The following ACOXL variants were observed in gnomAD, a reference collection of about 807,000 sequenced individuals.
ACOXL encodes the protein acyl-coenzyme A oxidase-like protein.
A neutral mutation model predicts 71.9 loss-of-function variants in ACOXL; 70 were observed. The ratio of observed to expected loss-of-function variants is 0.97; its 90% CI spans 0.80 to 1.19. The LOEUF is 1.19. Ranked by LOEUF, ACOXL falls within the 50% of genes most tolerant of loss-of-function variation. The pLI, the probability that ACOXL is intolerant of heterozygous loss-of-function variation, is 0.00. For missense variants in ACOXL, 703 were observed against 736.3 expected (o/e 0.95, Z 0.52); for synonymous variants, 253 against 281.6 (o/e 0.90, Z 1.02).
chr2:110,922,855 C>T (rs191189016), intron 11 of ACOXL, among the ~76,000 whole-genome samples: 4 of 152,250 alleles, frequency 2.6e-5, no homozygotes, highest in Admixed American at 6.5e-5. Context: ...TCATGAATGC[C>T]GCATTGAACA....
chr2:110,750,584 T>C (rs1678801028), intron 1 of ACOXL, among the ~76,000 whole-genome samples: 1 of 148,862 alleles, frequency 6.7e-6, no homozygotes, highest in African/African-American at 2.4e-5. Flanking sequence ...TATACATATA[T>C]ATACATTACA....
chr2:110,758,644 A>AT (rs1159051741), intron 1 of ACOXL, among the ~76,000 whole-genome samples: 1 of 152,060 alleles, frequency 6.6e-6, no homozygotes, highest in Non-Finnish European at 1.5e-5. Flanking sequence ...GGGTTCATTG[A>AT]TTTTTTGAAG....
chr2:110,825,689 G>A (rs1475113385), intron 9 of ACOXL, among the ~76,000 whole-genome samples: 1 of 152,098 alleles, frequency 6.6e-6, no homozygotes, highest in Non-Finnish European at 1.5e-5. Context: ...CTCCTGGTGA[G>A]CATTTATGCC....
chr2:110,754,024 A>G (rs1239562412), intron 1 of ACOXL, among the ~76,000 whole-genome samples: 1 of 142,322 alleles, frequency 7.0e-6, no homozygotes, highest in Non-Finnish European at 1.5e-5. Flanking sequence ...CCTCTTGCAC[A>G]TGCACACGTG....
chr2:110,906,488 A>G (rs1323422286), intron 10 of ACOXL, among the ~76,000 whole-genome samples: 1 of 144,178 alleles, frequency 6.9e-6, no homozygotes, highest in African/African-American at 2.6e-5. Flanking sequence ...CACTGAGCCG[A>G]GATTGCGCCA....
chr2:111,057,929 C>T (rs1378425702), intron 16 of ACOXL, among the ~76,000 whole-genome samples: 8 of 152,108 alleles, frequency 5.3e-5, no homozygotes, highest in Non-Finnish European at 8.8e-5. Flanking sequence ...GCCGCCCAGG[C>T]GTGGAGGGTG....
chr2:110,966,573 A>ACCC (rs770566415), intron 12 of ACOXL, among the ~76,000 whole-genome samples: 27 of 152,222 alleles, frequency 1.8e-4, no homozygotes, highest in South Asian at 6.2e-4. Flanking sequence ...TGCCCCCTAA[A>ACCC]CCCCTAAAGG....
intron 7 of ACOXL, among the ~76,000 whole-genome samples, chr2:110,799,450 G>C (rs935981070): frequency 1.3e-5 from 2 of 152,138 alleles, no homozygotes; most frequent in Non-Finnish European, 2.9e-5. Context: ...CTGGCCACCT[G>C]TCTGCTCTCT....
At chr2:111,033,940 G>T (rs886955504) in intron 15 of ACOXL, among the ~76,000 whole-genome samples, 1 of 152,232 alleles carries the variant, frequency 6.6e-6, no homozygotes, top group African/African-American at 2.4e-5. Context: ...TGAAAAGGAA[G>T]GGGGAAGTCA....
chr2:111,091,062 G>A (rs553318031), intron 16 of ACOXL, among the ~76,000 whole-genome samples: 13 of 152,258 alleles, frequency 8.5e-5, no homozygotes, highest in African/African-American at 3.1e-4. Flanking sequence ...CTCCCTGCTT[G>A]CCTCACTATG....
At chr2:110,811,484 AC>A (rs1255532163) in intron 9 of ACOXL, among the ~76,000 whole-genome samples, 1 of 152,176 alleles carries the variant, frequency 6.6e-6, no homozygotes, top group Non-Finnish European at 1.5e-5. Context: ...TGTGGTGCTC[AC>A]AGGAGTGTGT....
intron 1 of ACOXL, among the ~76,000 whole-genome samples, chr2:110,747,986 C>T (rs568342926): frequency 3.9e-5 from 6 of 152,306 alleles, no homozygotes; most frequent in African/African-American, 1.2e-4. Flanking sequence ...GCCACCCCTG[C>T]AGCTCATCCT....
intron 10 of ACOXL, chr2:110,887,171 G>A (rs1384734380): frequency 3.5e-6 from 1 of 287,462 alleles, no homozygotes; most frequent in African/African-American, 2.1e-5. Context: ...TGAATTCCCA[G>A]ATCTCCCTGA....
At chr2:110,929,821 A>G (rs1337474615) in intron 11 of ACOXL, among the ~76,000 whole-genome samples, 1 of 152,200 alleles carries the variant, frequency 6.6e-6, no homozygotes, top group Non-Finnish European at 1.5e-5. Context: ...TGCAAGCCCC[A>G]AGTCTTGGCA....
chr2:110,842,139 T>G (rs1691251634), intron 10 of ACOXL, among the ~76,000 whole-genome samples: 1 of 152,280 alleles, frequency 6.6e-6, no homozygotes, highest in Admixed American at 6.5e-5. Context: ...GAAAGAAGTT[T>G]GCCTCCTAAA....
rs572710747 is a variant in ACOXL, at chr2:110,733,613, G to A, written c.-23+839G>A. The stretch of plus-strand genomic sequence containing the variant: ...GGTTAGCCATGCCCACTTAGCCCTC[G>A]TTTAATTTATTTTGCGGAAATGAGA... On this transcript the variant is annotated intron_variant, in intron 1 of 17. Coordinates refer to ENST00000439055, the MANE Select transcript of ACOXL (RefSeq NM_001142807.4). Among the ~76,000 whole-genome samples the A allele has an allele frequency of 2.6e-5, 4 of 152,232 alleles. No homozygotes were observed. In the South Asian group the frequency reaches 8.3e-4, roughly 32 times the overall value.
chr2:110,801,244 G>C (rs1344222281), intron 7 of ACOXL, among the ~76,000 whole-genome samples: 2 of 152,164 alleles, frequency 1.3e-5, no homozygotes, highest in Non-Finnish European at 2.9e-5. Context: ...AAGGAGGAGG[G>C]ATTTGAGCAC....
chr2:110,920,036 A>G (rs1285617446), intron 11 of ACOXL, among the ~76,000 whole-genome samples: 1 of 152,198 alleles, frequency 6.6e-6, no homozygotes, highest in Non-Finnish European at 1.5e-5. Flanking sequence ...TATTCTCAAC[A>G]AGTTTTTGTG....
intron 10 of ACOXL, among the ~76,000 whole-genome samples, chr2:110,863,028 C>T (rs1694147854): frequency 6.6e-6 from 1 of 152,164 alleles, no homozygotes; most frequent in South Asian, 2.1e-4. Flanking sequence ...TTTGAGTTTG[C>T]AAATTTCTGA....
Sources: gnomAD v4.1 joint callset for allele counts (sites outside exome capture counted in the v4.1 genomes callset) on GRCh38, gnomAD v4.1.1 for gene constraint, MANE v1.5 for transcripts, NCBI Gene and HGNC (gene_info 2026-07-23, HGNC 2026-07-21) for gene names.